The following ANTXRL variants were observed in gnomAD, a reference collection of about 807,000 sequenced individuals.
The protein encoded by ANTXRL is anthrax toxin receptor-like.
Under a neutral mutation model 75.4 loss-of-function variants are expected in ANTXRL, and 63 were observed. The ratio of observed to expected loss-of-function variants is 0.84; its 90% CI spans 0.68 to 1.03. The LOEUF is 1.03. Ranked by LOEUF, ANTXRL falls within the 50% of genes least tolerant of loss-of-function variation. The pLI is 0.00. For synonymous variants in ANTXRL, 335 were observed against 291.3 expected, an observed-to-expected ratio of 1.15 and a Z score of -1.53; for missense variants, 797 against 789.4, an observed-to-expected ratio of 1.01 and a Z score of -0.12.
At chr10:46,324,663 G>A (rs146262380) in intron 16 of ANTXRL, among the ~76,000 whole-genome samples, 26 of 152,184 alleles carry the variant, frequency 1.7e-4, no homozygotes, top group African/African-American at 6.0e-4. Flanking sequence ...TATAGACGCC[G>A]CACTTTTAAT....
At position 46,329,751 on chromosome 10, in the gene ANTXRL, C is replaced by T. The variant is rs782099894; in HGVS notation, c.1563C>T (p.Leu521=). 5.1e-5 allele frequency: 78 copies of T among 1,534,526 alleles called. No individual in the cohort carries two copies. Among genetic ancestry groups the T allele is most frequent in the South Asian group, 9.5e-5 (8 of 83,994 alleles). ...GCCTGAGACACAGCCGGGAGTGCCT[C>T]GCCCTCAAACAGGCTCGCTGCAGCC... ...RMCLRHSREC[L]ALKQARCSPN... The change falls in exon 17 of 17, where the codon CTC becomes CTT. Residue 521 remains leucine, a synonymous_variant. Coordinates refer to ENST00000620264, the MANE Select transcript of ANTXRL (RefSeq NM_001278688.3).
rs1554955684 is a variant in ANTXRL at position 46,287,950 on chromosome 10, T to C, written c.248+440T>C. ...CACAGAGATTGCTTTGTTGCCTGTG[T>C]TGGGCATTCTAATGTCACTGCTTAG... On this transcript the variant is annotated intron_variant, in intron 1 of 16. Coordinates refer to ENST00000620264, the MANE Select transcript of ANTXRL (RefSeq NM_001278688.3). Among the ~76,000 whole-genome samples, 4 of 152,256 alleles carry C rather than the reference T, an allele frequency of 2.6e-5. No individual in the cohort carries two copies. The South Asian group carries it at 6.2e-4, about 24-fold the overall frequency.
chr10:46,292,278 T>G, intron 2 of ANTXRL, 149 bp downstream of exon 2: 1 of 771,172 alleles, frequency 1.3e-6, no homozygotes, highest in Non-Finnish European at 2.1e-6. Flanking sequence ...GAAGCAGGAA[T>G]GAGGCCAGCA....
chr10:46,317,433 G>A (rs567287462), intron 16 of ANTXRL, among the ~76,000 whole-genome samples: 16 of 152,268 alleles, frequency 1.1e-4, no homozygotes, highest in African/African-American at 3.9e-4. Flanking sequence ...AGTTGTTCTG[G>A]GTAACAATTG....
intron 16 of ANTXRL, among the ~76,000 whole-genome samples, chr10:46,317,047 G>A (rs1302483759): frequency 6.6e-6 from 1 of 152,100 alleles, no homozygotes; most frequent in African/African-American, 2.4e-5. Flanking sequence ...AGCCTCCTGC[G>A]ACCCTAAGCT....
At chr10:46,305,040 A>G (rs1379852482) in intron 10 of ANTXRL, among the ~76,000 whole-genome samples, 4 of 152,198 alleles carry the variant, frequency 2.6e-5, no homozygotes, top group Non-Finnish European at 4.4e-5. Flanking sequence ...CCAAGAGTAA[A>G]AAGAAACTTA....
chr10:46,299,967 T>A (rs144050202), intron 9 of ANTXRL, among the ~76,000 whole-genome samples: 41 of 152,234 alleles, frequency 2.7e-4, no homozygotes, highest in South Asian at 6.2e-4. Flanking sequence ...CTCTTTCTGT[T>A]CCTCCTGATT....
Position 46,326,600 on chromosome 10 carries a change from G to C in ANTXRL, c.1411-2999G>C, listed in dbSNP as rs1402548834. 2.0e-5 allele frequency among the ~76,000 whole-genome samples: 3 copies of C among 152,256 alleles called. No homozygotes were observed. The South Asian group carries it at 6.2e-4, about 32-fold the overall frequency. ...GAGGAGAGCACTGACCAGAAGCCAA[G>C]ATCTTGCCTGGGCCTTATAGTCTGG... On this transcript the variant is annotated intron_variant, in intron 16 of 16. Transcript: ENST00000620264.
chr10:46,327,668 C>T (rs1339052847), intron 16 of ANTXRL, among the ~76,000 whole-genome samples: 1 of 152,142 alleles, frequency 6.6e-6, no homozygotes, highest in Non-Finnish European at 1.5e-5. Flanking sequence ...GCATTTGTCA[C>T]TCACATGTCC....
chr10:46,311,626 C>A lies in ANTXRL; in HGVS notation c.1290C>A (p.Cys430Ter). 1 of 1,317,314 alleles carries A rather than the reference C, an allele frequency of 7.6e-7. No individual in the cohort carries two copies. The highest frequency in any genetic ancestry group is 1.1e-6 in the Non-Finnish European group (1 of 947,186). The allele number at this position is 1,317,314 out of a possible 1,614,324, so 81.6% of individuals were successfully genotyped here. A position where few individuals can be genotyped will look rare whatever the true frequency, so the allele number is the denominator to read the frequency against. Residue 430 changes from cysteine to a stop codon, truncating the protein, a stop_gained, in exon 15 of 17, where the codon TGC (cysteine) becomes TGA (stop). Transcript: ENST00000620264. LOFTEE classifies it high-confidence loss of function. ...VNTCPTVIIC[C>*]CGCQGVGGMR... ...CCTGCCCCACTGTGATTATTTGTTG[C>A]TGTGGATGCCAAGGAGTGGGCGGGA...
chr10:46,287,349 C>G lies in ANTXRL; in HGVS notation c.87C>G (p.Ser29Arg), dbSNP rs1554955476. 2.0e-6 allele frequency: 3 copies of G among 1,536,036 alleles called. No individual in the cohort carries two copies. Among genetic ancestry groups the G allele is most frequent in the East Asian group, 2.4e-5 (1 of 40,908 alleles). Residue 29 changes from serine to arginine, a missense_variant, in exon 1 of 17, where the codon AGC (serine) becomes AGG (arginine). By Grantham distance (110) the Ser-to-Arg change is moderately radical (BLOSUM62 -1). Around this residue, in one of 3 missense-constraint regions of ANTXRL, gnomAD observed 262 missense variants for 271.9 expected, o/e 0.96. Coordinates refer to ENST00000620264, the MANE Select transcript of ANTXRL (RefSeq NM_001278688.3). ...CTCCACCGCTTTTTAGAGCAGGAAG[C>G]CTTCGGTACCATGGACCTGACTGGA... is the stretch of plus-strand genomic sequence containing the variant. ...LLPPPLFRAG[S>R]LRYHGPDWRI... is the part of the protein sequence containing the mutation.
chr10:46,287,642 A>G, intron 1 of ANTXRL, 132 bp downstream of exon 1: 6 of 1,227,612 alleles, frequency 4.9e-6, no homozygotes, highest in Non-Finnish European at 5.5e-6. Flanking sequence ...TGGTCAGACC[A>G]GACCTAGGCC....
chr10:46,295,500 G>GTTAGAGTTAGAT, intron 3 of ANTXRL, among the ~76,000 whole-genome samples: 1 of 125,536 alleles, frequency 8.0e-6, no homozygotes, highest in Middle Eastern at 4.1e-3. Flanking sequence ...TAGAGTTAGA[G>GTTAGAGTTAGAT]TTAGAGTTAG....
chr10:46,305,529 T>G (rs536773873), intron 10 of ANTXRL, among the ~76,000 whole-genome samples: 1 of 152,254 alleles, frequency 6.6e-6, no homozygotes, highest in Admixed American at 6.5e-5. Flanking sequence ...GTTCTGCCAG[T>G]CCTAGGTTGG....
At chr10:46,319,429 G>A (rs1385444707) in intron 16 of ANTXRL, among the ~76,000 whole-genome samples, 1 of 152,122 alleles carries the variant, frequency 6.6e-6, no homozygotes, top group East Asian at 1.9e-4. Context: ...GGGTTCAGTG[G>A]ACCACGGGGA....
At chr10:46,307,805 C>G (rs1838182846) in intron 12 of ANTXRL, among the ~76,000 whole-genome samples, 1 of 152,134 alleles carries the variant, frequency 6.6e-6, no homozygotes, top group African/African-American at 2.4e-5. Context: ...CTGCTGATGA[C>G]CCTGGCCCCT....
In ANTXRL at chr10:46,302,374, G is replaced by GC. The variant is rs1837804849; in HGVS notation, c.797-346dup. On this transcript the variant is annotated intron_variant, in intron 9 of 16. Transcript: ENST00000620264. The stretch of plus-strand genomic sequence containing the variant: ...CAGGGAGGGCCTGGCTGAGTGCACG[G>GC]CCTGCACACCTGGGGCCGAGGGAGC... 1.3e-5 allele frequency among the ~76,000 whole-genome samples: 2 copies of GC among 152,150 alleles called. 1 individual carries two copies. Among genetic ancestry groups the GC allele is most frequent in the African/African-American group, 4.8e-5 (2 of 41,416 alleles).
At chr10:46,328,418 T>C (rs1839331165) in intron 16 of ANTXRL, among the ~76,000 whole-genome samples, 1 of 152,140 alleles carries the variant, frequency 6.6e-6, no homozygotes, top group Non-Finnish European at 1.5e-5. Flanking sequence ...TTTGCTTTCA[T>C]GCTTATAAGA....
At chr10:46,305,831 G>T (rs1261704937) in intron 10 of ANTXRL, among the ~76,000 whole-genome samples, 1 of 151,782 alleles carries the variant, frequency 6.6e-6, no homozygotes, top group African/African-American at 2.4e-5. Flanking sequence ...CCCTCCTCAG[G>T]CTTCCTCATC....
Sources: gnomAD v4.1 joint callset for allele counts (sites outside exome capture counted in the v4.1 genomes callset) on GRCh38, gnomAD v4.1.1 for gene constraint, gnomAD v4.1.1 regional missense constraint, MANE v1.5 for transcripts, NCBI Gene and HGNC (gene_info 2026-07-23, HGNC 2026-07-21) for gene names.